TTN: variants seen among roughly 807,000 people sequenced by gnomAD.
TTN encodes titin.
Under a neutral mutation model 3,223.0 loss-of-function variants are expected in TTN, and 1,525 were observed. The observed-to-expected ratio is 0.47, with a 90% CI of 0.45 to 0.49. The LOEUF (loss-of-function observed/expected upper bound fraction) is 0.49. Ranked by LOEUF, TTN falls within the 20% of genes least tolerant of loss-of-function variation. TTN has a pLI of 0.00. For synonymous variants in TTN, 14,094 were observed against 15,161.0 expected (o/e 0.93, Z 5.17); for missense variants, 40,786 against 43,424.0 (o/e 0.94, Z 5.40).
At chr2:178,762,033 C>G (rs1396980225) in intron 43 of TTN, among the ~76,000 whole-genome samples, 2 of 152,080 alleles carry the variant, frequency 1.3e-5, no homozygotes, top group African/African-American at 2.4e-5. Context: ...AGAAACAGCA[C>G]CTGGTTGCTC....
Position 178,553,179 on chromosome 2 carries a change from T to C in TTN, c.89721A>G (p.Thr29907=), listed in dbSNP as rs773008865. 2 of 1,613,774 alleles carry C rather than the reference T, an allele frequency of 1.2e-6. No homozygotes were observed. Among genetic ancestry groups the C allele is most frequent in the Admixed American group, 3.3e-5 (2 of 60,008 alleles). The change falls in exon 335 of 363, where the codon ACA becomes ACG. Residue 29907 remains threonine (T), a synonymous_variant. Transcript: ENST00000589042. ...LTIPQVTRND[T]GKYILTIENG... is the part of the protein sequence containing the mutation. ...TTTCTATTGTGAGAATATATTTTCC[T>C]GTATCATTGCGAGTAACTTGAGGAA...
chr2:178,614,466 C>T lies in TTN; in HGVS notation c.49048G>A (p.Asp16350Asn), dbSNP rs1176988442. 6.2e-7 allele frequency: 1 copy of T among 1,600,518 alleles called. No homozygotes were observed. Among genetic ancestry groups the T allele is most frequent in the Admixed American group, 1.7e-5 (1 of 57,936 alleles). The change falls in exon 261 of 363, where the codon GAT (aspartate) becomes AAT (asparagine). Residue 16350 changes from aspartate to asparagine, a missense_variant and splice_region_variant. By Grantham distance (23) the Asp-to-Asn change is conservative. Coordinates refer to ENST00000589042, the MANE Select transcript of TTN (RefSeq NM_001267550.2). ...CTTTTAAAATGAGAACCTTCCTTAC[C>T]TAAGACGTTCACTTCCACCACAGCA... ...ATAVVEVNVL[D>N]KPGPPAAFDI... is the part of the protein sequence containing the mutation.
rs577272800 is a variant in TTN, at chr2:178,561,279, T to A, written c.84853A>T (p.Thr28285Ser). The change falls in exon 326 of 363, where the codon ACA becomes TCA. Residue 28285 changes from threonine to serine, a missense_variant. Transcript: ENST00000589042. ...KPHYDGGAKITGYIVERRELP... is the reference protein window; with the variant it reads ...KPHYDGGAKISGYIVERRELP... The stretch of plus-strand genomic sequence containing the variant: ...TCTCTGCGTTCAACAATGTATCCTG[T>A]GATCTTAGCTCCACCATCATAATGT... 1 of 1,613,824 alleles carries A rather than the reference T, an allele frequency of 6.2e-7. No individual in the cohort carries two copies. The highest frequency in any genetic ancestry group is 1.3e-5 in the African/African-American group (1 of 75,046).
intron 88 of TTN, among the ~76,000 whole-genome samples, chr2:178,716,076 A>G (rs982477635): frequency 1.3e-5 from 2 of 152,128 alleles, no homozygotes; most frequent in African/African-American, 2.4e-5. Flanking sequence ...GATCAGAGAT[A>G]ATAGCATGTA....
Position 178,611,241 on chromosome 2 carries a change from T to A in TTN, c.50888A>T (p.Asp16963Val), listed in dbSNP as rs775055815. The change falls in exon 270 of 363, where the codon GAC (aspartate) becomes GTC (valine). Residue 16963 changes from aspartate (D) to valine (V), a missense_variant. Physicochemically the swap from Asp to Val is radical, Grantham distance 152. Coordinates refer to ENST00000589042, the MANE Select transcript of TTN (RefSeq NM_001267550.2). ...CKPTIDLETH[D>V]IIVIEGEKLS... ...CTTTTCACCTTCAATAACAATAATG[T>A]CATGAGTCTCCAGGTCAATTGTTGG... 1.3e-5 allele frequency: 21 copies of A among 1,612,342 alleles called. No individual in the cohort carries two copies. The South Asian group carries it at 2.3e-4, about 18-fold the overall frequency.
chr2:178,647,060 AT>A lies in TTN; in HGVS notation c.40222+3del. 2 of 1,129,076 alleles carry A rather than the reference AT, an allele frequency of 1.8e-6. No individual in the cohort carries two copies. The highest frequency in any genetic ancestry group is 2.4e-6 in the Non-Finnish European group (2 of 848,058). The allele number at this position is 1,129,076 out of a possible 1,614,324, so 69.9% of individuals were successfully genotyped here. A position where few individuals can be genotyped will look rare whatever the true frequency, so the allele number is the denominator to read the frequency against. ...AAAATGTATATATATATATATATAT[AT>A]ACCTTCAACAGGGGGAGTCTCTTTT... On this transcript the variant is annotated splice_donor_region_variant and intron_variant, in intron 215 of 362. Coordinates refer to ENST00000589042, the MANE Select transcript of TTN (RefSeq NM_001267550.2).
In TTN at chr2:178,535,082, A is replaced by G. The variant is rs1227515280; in HGVS notation, c.101533T>C (p.Tyr33845His). 4 of 1,613,864 alleles carry G rather than the reference A, an allele frequency of 2.5e-6. No individual in the cohort carries two copies. In the Admixed American group the frequency reaches 5.0e-5, roughly 20 times the overall value. The change falls in exon 358 of 363, where the codon TAC becomes CAC. Residue 33845 changes from tyrosine (Y) to histidine (H), a missense_variant. Tyr to His is a moderately conservative substitution (Grantham distance 83). Coordinates refer to ENST00000589042, the MANE Select transcript of TTN (RefSeq NM_001267550.2). ...RCVETSSKKT[Y>H]MAKFVKVKGT... ...TTGACTTTAACAAATTTGGCCATGT[A>G]TGTCTTCTTTGAGGATGTTTCAACA... is the stretch of plus-strand genomic sequence containing the variant.
chr2:178,580,612 G>T lies in TTN; in HGVS notation c.66770-3C>A, dbSNP rs1468877344. On this transcript the variant is annotated splice_polypyrimidine_tract_variant and splice_region_variant and intron_variant, in intron 316 of 362. Coordinates refer to ENST00000589042, the MANE Select transcript of TTN (RefSeq NM_001267550.2). ...ATCAAGTTCTCCCTCAGGTGGAACTGTTTAATTTTGGGTGAAGAAGTTAAA... is the reference window on the plus strand; with the variant it reads ...ATCAAGTTCTCCCTCAGGTGGAACTTTTTAATTTTGGGTGAAGAAGTTAAA... 2 of 1,596,140 alleles carry T rather than the reference G, an allele frequency of 1.3e-6. No individual in the cohort carries two copies. The highest frequency in any genetic ancestry group is 1.7e-6 in the Non-Finnish European group (2 of 1,175,346).
At chr2:178,616,263 A>G (rs2057322881) in intron 257 of TTN, among the ~76,000 whole-genome samples, 1 of 151,800 alleles carries the variant, frequency 6.6e-6, no homozygotes, top group African/African-American at 2.4e-5. Flanking sequence ...CAAATTTGGT[A>G]AGGCTCACAA....
Position 178,683,240 on chromosome 2 carries a change from G to A in TTN, c.32858C>T (p.Ala10953Val), listed in dbSNP as rs773225325. Residue 10953 changes from alanine to valine, a missense_variant, in exon 134 of 363, where the codon GCT becomes GTT. Ala to Val is a moderately conservative substitution (Grantham distance 64). Coordinates refer to ENST00000589042, the MANE Select transcript of TTN (RefSeq NM_001267550.2). ...VVKEEKVSIE[A>V]PKREPQPIKE... ...GATGGGTTGAGGTTCTCTTTTTGGA[G>A]CTTCAATTGATACTTTTTCTTCTTT... The A allele has an allele frequency of 2.4e-5, 38 of 1,552,206 alleles. No homozygotes were observed. The highest frequency in any genetic ancestry group is 3.0e-5 in the Non-Finnish European group (34 of 1,145,804).
intron 22 of TTN, 94 bp downstream of exon 22, chr2:178,779,906 C>A: frequency 3.8e-6 from 5 of 1,311,428 alleles, no homozygotes; most frequent in Non-Finnish European, 5.4e-6. Flanking sequence ...AGCTGTCTAA[C>A]CCCGAGCTCA....
In TTN at chr2:178,614,162, G is replaced by C. The variant is rs746659077; in HGVS notation, c.49235C>G (p.Ala16412Gly). Residue 16412 changes from alanine to glycine, a missense_variant, in exon 262 of 363, where the codon GCC (alanine) becomes GGC (glycine). Coordinates refer to ENST00000589042, the MANE Select transcript of TTN (RefSeq NM_001267550.2). ...CTCTTTATTGGGGATTAATTTGGTG[G>C]CCTTGAAGTTTGTATCCTTGACGGT... ...SSTVKDTNFK[A>G]TKLIPNKEYI... 18 of 1,612,290 alleles carry C rather than the reference G, an allele frequency of 1.1e-5. No individual in the cohort carries two copies. The highest frequency in any genetic ancestry group is 3.4e-6 in the Non-Finnish European group (4 of 1,179,212).
At position 178,591,520 on chromosome 2, in the gene TTN, GA is replaced by G. The variant is rs1224011047; in HGVS notation, c.60221-17del. 1.3e-6 allele frequency: 2 copies of G among 1,582,534 alleles called. No homozygotes were observed. Among genetic ancestry groups the G allele is most frequent in the Non-Finnish European group, 1.7e-6 (2 of 1,171,034 alleles). The stretch of plus-strand genomic sequence containing the variant: ...GATGGAGGCACTGAAAAGTAAACAT[GA>G]AAAAATTAGATTTTGATTTTCACCT... On this transcript the variant is annotated splice_polypyrimidine_tract_variant and intron_variant, in intron 303 of 362. Transcript: ENST00000589042.
Position 178,667,356 on chromosome 2 carries a change from TA to T in TTN, c.35714-38del. 4 of 1,571,240 alleles carry T rather than the reference TA, an allele frequency of 2.5e-6. No individual in the cohort carries two copies. In the South Asian group the frequency reaches 3.5e-5, roughly 14 times the overall value. ...TTAGTAGGTTTACATTTAAAAGTTG[TA>T]AAAACAGTAAATTATAAAAAGCATG... On this transcript the variant is annotated intron_variant, in intron 161 of 362. Coordinates refer to ENST00000589042, the MANE Select transcript of TTN (RefSeq NM_001267550.2).
Position 178,608,205 on chromosome 2 carries a change from C to G in TTN, c.52678G>C (p.Asp17560His). 1 of 1,603,500 alleles carries G rather than the reference C, an allele frequency of 6.2e-7. No individual in the cohort carries two copies. The highest frequency in any genetic ancestry group is 2.3e-5 in the East Asian group (1 of 44,380). The stretch of plus-strand genomic sequence containing the variant: ...ATTGGATCATGTGCTGTTTTGGGAT[C>G]TGAAGGTGGACTGAACTTTCCAGGT... Reference protein sequence around the residue: ...AGPGKFSPPSDPKTAHDPISP... With the variant: ...AGPGKFSPPSHPKTAHDPISP... Residue 17560 changes from aspartate to histidine, a missense_variant, in exon 275 of 363, where the codon GAT becomes CAT. Transcript: ENST00000589042.
Position 178,622,967 on chromosome 2 carries a change from T to C in TTN, c.44816-200A>G, listed in dbSNP as rs182402876. On this transcript the variant is annotated intron_variant, in intron 242 of 362. Transcript: ENST00000589042. ...AGATATCTCTTTAGTTTACATAAAATTATGTGGCATTCTATATGTTCAACT... is the reference window on the plus strand; with the variant it reads ...AGATATCTCTTTAGTTTACATAAAACTATGTGGCATTCTATATGTTCAACT... 2.6e-5 allele frequency among the ~76,000 whole-genome samples: 4 copies of C among 152,028 alleles called. No individual in the cohort carries two copies. The East Asian group carries it at 7.8e-4, about 30-fold the overall frequency.
Position 178,732,211 on chromosome 2 carries a change from C to G in TTN, c.16758G>C (p.Glu5586Asp). The G allele has an allele frequency of 1.9e-6, 3 of 1,613,842 alleles. No individual in the cohort carries two copies. Among genetic ancestry groups the G allele is most frequent in the South Asian group, 1.1e-5 (1 of 91,074 alleles). Reference protein sequence around the residue: ...TWFANDREIKESSKHRMSFVE... With the variant: ...TWFANDREIKDSSKHRMSFVE... ...CAAAAGACATTCTGTGTTTGCTGCT[C>G]TCCTTAATTTCTCTATCATTTGCAA... is the stretch of plus-strand genomic sequence containing the variant. Residue 5586 changes from glutamate (E) to aspartate (D), a missense_variant, in exon 57 of 363, where the codon GAG (glutamate) becomes GAC (aspartate). Coordinates refer to ENST00000589042, the MANE Select transcript of TTN (RefSeq NM_001267550.2).
Position 178,569,316 on chromosome 2 carries a change from C to G in TTN, c.76816G>C (p.Val25606Leu), listed in dbSNP as rs794729501. 6.2e-7 allele frequency: 1 copy of G among 1,612,744 alleles called. No individual in the cohort carries two copies. The highest frequency in any genetic ancestry group is 1.1e-5 in the South Asian group (1 of 90,856). The change falls in exon 326 of 363, where the codon GTT becomes CTT. Residue 25606 changes from valine to leucine, a missense_variant. Transcript: ENST00000589042. The stretch of plus-strand genomic sequence containing the variant: ...GTGATTTCTGTGACTTTCAGGTTAA[C>G]AGGTGGACTTGGCGTGTCCAGAACT... ...VRVLDTPSPP[V>L]NLKVTEITKD...
rs537358981 is a variant in TTN at position 178,734,506 on chromosome 2, A to G, written c.15318T>C (p.Ile5106=). Residue 5106 remains isoleucine (I), a synonymous_variant, in exon 52 of 363, where the codon ATT becomes ATC. Transcript: ENST00000589042. The part of the protein sequence containing the change: ...CEVSGTGPFE[I]SWFKDKKQIR... ...TTTGTTTCTTGTCTTTGAACCAGCT[A>G]ATTTCAAATGGTCCAGTGCCTGAGA... The G allele has an allele frequency of 5.0e-6, 8 of 1,613,730 alleles. No individual in the cohort carries two copies. Among genetic ancestry groups the G allele is most frequent in the South Asian group, 1.1e-5 (1 of 91,044 alleles).
Sources: allele counts gnomAD v4.1 joint callset (sites outside exome capture counted in the v4.1 genomes callset), GRCh38; gene constraint gnomAD v4.1.1; transcripts MANE v1.5; gene names NCBI Gene and HGNC (gene_info 2026-07-23, HGNC 2026-07-21).